The following STX8 variants were observed in gnomAD, a reference collection of about 807,000 sequenced individuals.
STX8 encodes syntaxin-8.
Under a neutral mutation model 37.5 loss-of-function variants are expected in STX8, and 23 were observed. The observed-to-expected ratio is 0.61, with a 90% CI of 0.44 to 0.87. The LOEUF is 0.87. STX8 is among the 40% of genes least tolerant of loss of function. The pLI, the probability that STX8 is intolerant of heterozygous loss-of-function variation, is 0.00. For synonymous variants in STX8, 115 were observed against 99.1 expected, an observed-to-expected ratio of 1.16 and a Z score of -0.95; for missense variants, 313 against 284.7, an observed-to-expected ratio of 1.10 and a Z score of -0.71.
At chr17:9,562,361 G>C (rs1280210439) in intron 2 of STX8, among the ~76,000 whole-genome samples, 1 of 151,232 alleles carries the variant, frequency 6.6e-6, no homozygotes, top group Non-Finnish European at 1.5e-5. Flanking sequence ...AGCCGAGATC[G>C]CGCCACCGCA....
chr17:9,514,370 C>T (rs1905108490), intron 4 of STX8, among the ~76,000 whole-genome samples: 2 of 152,014 alleles, frequency 1.3e-5, no homozygotes, highest in South Asian at 2.1e-4. Context: ...TTTGGGAGGC[C>T]AACGCAGGTG....
At chr17:9,463,311 T>C (rs1220870443) in intron 6 of STX8, among the ~76,000 whole-genome samples, 1 of 152,224 alleles carries the variant, frequency 6.6e-6, no homozygotes, top group Admixed American at 6.5e-5. Flanking sequence ...TTTATAGTAC[T>C]TTCCTGGAAC....
intron 6 of STX8, among the ~76,000 whole-genome samples, chr17:9,467,622 G>C (rs1025621685): frequency 2.0e-5 from 3 of 152,184 alleles, no homozygotes; most frequent in African/African-American, 7.2e-5. Context: ...CACCATGAAG[G>C]TGACCAAACC....
rs148704876 is a variant in STX8, at chr17:9,454,416, C to T, written c.541+37413G>A. 7.1e-3 allele frequency among the ~76,000 whole-genome samples: 1,088 copies of T among 152,300 alleles called. 11 individuals are homozygous for T. The highest frequency in any genetic ancestry group is 0.025 in the African/African-American group (1,024 of 41,568). ...CGGGCTGGCCGGGCGCGGTGGCTCA[C>T]GCCTGTAATCCCAGCACTCTGGGAG... On this transcript the variant is annotated intron_variant, in intron 6 of 7. Coordinates refer to ENST00000306357, the MANE Select transcript of STX8 (RefSeq NM_004853.3).
At chr17:9,394,317 G>T (rs1242272673) in intron 6 of STX8, among the ~76,000 whole-genome samples, 2 of 152,028 alleles carry the variant, frequency 1.3e-5, no homozygotes, top group Non-Finnish European at 2.9e-5. Flanking sequence ...GTGGGAATGG[G>T]AAAACAGCCA....
intron 6 of STX8, among the ~76,000 whole-genome samples, chr17:9,439,561 T>C (rs1353896476): frequency 6.6e-6 from 1 of 150,996 alleles, no homozygotes; most frequent in Non-Finnish European, 1.5e-5. Flanking sequence ...GGTGGTGTGA[T>C]CTTGGCTCAC....
intron 7 of STX8, among the ~76,000 whole-genome samples, chr17:9,364,180 G>A (rs142467192): frequency 6.6e-6 from 1 of 152,146 alleles, no homozygotes; most frequent in African/African-American, 2.4e-5. Flanking sequence ...AATCTTTCAG[G>A]GCACCAAGAG....
intron 7 of STX8, among the ~76,000 whole-genome samples, chr17:9,368,396 C>A (rs527904649): frequency 6.6e-6 from 1 of 152,050 alleles, no homozygotes; most frequent in Non-Finnish European, 1.5e-5. Flanking sequence ...CCCAGCTACT[C>A]GGAAGGTTGA....
intron 6 of STX8, among the ~76,000 whole-genome samples, chr17:9,458,891 G>A (rs2142415373): frequency 6.7e-6 from 1 of 148,576 alleles, no homozygotes; most frequent in South Asian, 2.1e-4. Context: ...GTGCAGTGGT[G>A]CAATCTCGGC....
chr17:9,361,393 G>A (rs867191512), intron 7 of STX8, among the ~76,000 whole-genome samples: 17 of 152,244 alleles, frequency 1.1e-4, no homozygotes, highest in Admixed American at 2.6e-4. Context: ...TCAAGTGGGC[G>A]TCTACTGCAT....
intron 7 of STX8, among the ~76,000 whole-genome samples, chr17:9,282,933 T>C (rs891965219): frequency 2.0e-5 from 3 of 151,272 alleles, no homozygotes; most frequent in African/African-American, 7.3e-5. Context: ...TTACCAAAAC[T>C]GAAGAACTGC....
chr17:9,464,347 G>C (rs916489139), intron 6 of STX8, among the ~76,000 whole-genome samples: 1 of 152,198 alleles, frequency 6.6e-6, no homozygotes, highest in African/African-American at 2.4e-5. Flanking sequence ...ATTCAGCTAC[G>C]ATACCAGGCA....
chr17:9,538,395 G>A (rs549073639), intron 4 of STX8, among the ~76,000 whole-genome samples: 2 of 152,214 alleles, frequency 1.3e-5, no homozygotes, highest in Admixed American at 6.5e-5. Context: ...AGTACTATGG[G>A]ACATAAATCA....
At chr17:9,361,602 G>T (rs1192264050) in intron 7 of STX8, among the ~76,000 whole-genome samples, 1 of 152,306 alleles carries the variant, frequency 6.6e-6, no homozygotes, top group East Asian at 1.9e-4. Flanking sequence ...GTGCAGCAAG[G>T]TATTAATTAT....
chr17:9,454,552 C>T (rs984186255), intron 6 of STX8, among the ~76,000 whole-genome samples: 4 of 151,922 alleles, frequency 2.6e-5, no homozygotes, highest in East Asian at 1.9e-4. Flanking sequence ...TGGTGGCAGG[C>T]GCCTATAGTC....
rs535708959 is a variant in STX8 at position 9,329,808 on chromosome 17, A to G, written c.643+48744T>C. ...CTGCCAGACATGATAGAGCAGGGAA[A>G]GAGGCAGAGATGAGGGAATAAGGCA... On this transcript the variant is annotated intron_variant, in intron 7 of 7. Transcript: ENST00000306357. 3.3e-5 allele frequency among the ~76,000 whole-genome samples: 5 copies of G among 152,338 alleles called. No homozygotes were observed. In the South Asian group the frequency reaches 1.0e-3, roughly 32 times the overall value.
At chr17:9,567,916 C>T (rs1907525830) in intron 2 of STX8, among the ~76,000 whole-genome samples, 1 of 152,224 alleles carries the variant, frequency 6.6e-6, no homozygotes, top group Non-Finnish European at 1.5e-5. Context: ...GAATTCTTGA[C>T]CTCAAGCAAT....
At chr17:9,430,743 A>T (rs1474693886) in intron 6 of STX8, among the ~76,000 whole-genome samples, 1 of 145,802 alleles carries the variant, frequency 6.9e-6, no homozygotes, top group Non-Finnish European at 1.5e-5. Context: ...TCTGCCTCCC[A>T]GGCTCAAGTG....
intron 7 of STX8, among the ~76,000 whole-genome samples, chr17:9,312,242 T>G (rs1283077810): frequency 6.8e-6 from 1 of 146,594 alleles, no homozygotes; most frequent in Non-Finnish European, 1.5e-5. Flanking sequence ...GTTCTTGTTG[T>G]CCAGGCTGGA....
Sources: gnomAD v4.1 joint callset for allele counts (sites outside exome capture counted in the v4.1 genomes callset) on GRCh38, gnomAD v4.1.1 for gene constraint, MANE v1.5 for transcripts, NCBI Gene and HGNC (gene_info 2026-07-23, HGNC 2026-07-21) for gene names.